Variants in CDK14 observed in about 807,000 individuals in gnomAD.
The protein encoded by CDK14 is cyclin dependent kinase 14, also known as cyclin-dependent kinase 14.
Under a neutral mutation model 60.7 loss-of-function variants are expected in CDK14, and 34 were observed. The observed-to-expected ratio is 0.56, with a 90% CI of 0.43 to 0.75. The LOEUF (loss-of-function observed/expected upper bound fraction) is 0.75. Among genes scored for constraint, CDK14 ranks in the 30% least tolerant of loss-of-function variants. The pLI is 0.00. For synonymous variants in CDK14, 197 were observed against 203.7 expected (o/e 0.97, Z 0.28); for missense variants, 482 against 564.1 (o/e 0.85, Z 1.47).
rs577329116 is a variant in CDK14, at chr7:90,734,761, C to A, written c.369+7949C>A. Among the ~76,000 whole-genome samples, 173 of 152,190 alleles carry A rather than the reference C, an allele frequency of 1.1e-3. 1 individual carries two copies. Among genetic ancestry groups the A allele is most frequent in the Middle Eastern group, 0.01 (3 of 292 alleles). The stretch of plus-strand genomic sequence containing the variant: ...TTATTGCATTGGGTTAAAACACGCT[C>A]CTTTAGCTCAGAGGAGTTTGTTATT... On this transcript the variant is annotated intron_variant, in intron 3 of 14. Coordinates refer to ENST00000380050, the MANE Select transcript of CDK14 (RefSeq NM_001287135.2).
At chr7:90,670,363 G>C (rs1801070761) in intron 2 of CDK14, among the ~76,000 whole-genome samples, 1 of 152,148 alleles carries the variant, frequency 6.6e-6, no homozygotes, top group Non-Finnish European at 1.5e-5. Context: ...AGTCACATAG[G>C]ACTGAAACTA....
chr7:91,202,673 G>C lies in CDK14; in HGVS notation c.*29-4492G>C, dbSNP rs191998547. Among the ~76,000 whole-genome samples the C allele has an allele frequency of 3.6e-3, 541 of 152,294 alleles. 5 individuals carry two copies. The highest frequency in any genetic ancestry group is 0.013 in the African/African-American group (524 of 41,560). ...TTGAAGCTGATGCTGCTCAAGGAGG[G>C]AGAAGGGACATCCCGTGCTGCTGGC... On this transcript the variant is annotated intron_variant, in intron 14 of 14. Transcript: ENST00000380050.
intron 14 of CDK14, among the ~76,000 whole-genome samples, chr7:91,191,711 G>A (rs532299647): frequency 3.3e-4 from 50 of 152,004 alleles, no homozygotes; most frequent in South Asian, 1.5e-3. Context: ...TCAAGAAGGG[G>A]AAATGAGGAA....
chr7:91,139,944 C>T (rs1229878689), intron 14 of CDK14, among the ~76,000 whole-genome samples: 1 of 151,506 alleles, frequency 6.6e-6, no homozygotes, highest in Non-Finnish European at 1.5e-5. Context: ...TACTTAATCC[C>T]ATTGAAAAAA....
At chr7:90,749,377 C>T (rs1803727371) in intron 4 of CDK14, among the ~76,000 whole-genome samples, 1 of 152,122 alleles carries the variant, frequency 6.6e-6, no homozygotes, top group Non-Finnish European at 1.5e-5. Flanking sequence ...AGTTGCCCCA[C>T]CCTTCCTTTG....
chr7:90,731,196 C>T (rs1397117358), intron 3 of CDK14, among the ~76,000 whole-genome samples: 1 of 152,156 alleles, frequency 6.6e-6, no homozygotes, highest in Admixed American at 6.5e-5. Flanking sequence ...GGTCTCTGTT[C>T]TGTTCATTGG....
At chr7:90,886,166 G>A (rs1402528247) in intron 6 of CDK14, among the ~76,000 whole-genome samples, 2 of 152,064 alleles carry the variant, frequency 1.3e-5, no homozygotes, top group East Asian at 3.8e-4. Flanking sequence ...TTTTCTCTAT[G>A]AGGGCACTGA....
At chr7:91,010,394 A>G (rs1796117045) in intron 10 of CDK14, among the ~76,000 whole-genome samples, 1 of 152,094 alleles carries the variant, frequency 6.6e-6, no homozygotes, top group Admixed American at 6.6e-5. Flanking sequence ...CCAATCTATG[A>G]ACATAGTGTA....
At chr7:90,996,183 A>G (rs1158612288) in intron 10 of CDK14, among the ~76,000 whole-genome samples, 1 of 152,174 alleles carries the variant, frequency 6.6e-6, no homozygotes, top group Non-Finnish European at 1.5e-5. Context: ...CAAGCAAATG[A>G]ATATTTGTAA....
intron 9 of CDK14, among the ~76,000 whole-genome samples, chr7:90,959,669 A>G (rs1395064638): frequency 2.0e-5 from 3 of 152,170 alleles, no homozygotes; most frequent in Admixed American, 6.6e-5. Context: ...TTCTGTTTAA[A>G]TAGCCACAGG....
intron 9 of CDK14, among the ~76,000 whole-genome samples, chr7:90,961,560 C>T (rs1422549364): frequency 1.3e-5 from 2 of 152,200 alleles, no homozygotes; most frequent in Non-Finnish European, 2.9e-5. Context: ...ATCTATCTGT[C>T]AGCACTGTTT....
intron 10 of CDK14, among the ~76,000 whole-genome samples, chr7:91,004,685 T>G (rs1795931566): frequency 6.6e-6 from 1 of 152,162 alleles, no homozygotes; most frequent in South Asian, 2.1e-4. Context: ...GTGAGTAGCG[T>G]GCAGATCTGA....
At chr7:90,960,679 C>T (rs749197066) in intron 9 of CDK14, among the ~76,000 whole-genome samples, 1 of 152,122 alleles carries the variant, frequency 6.6e-6, no homozygotes, top group Non-Finnish European at 1.5e-5. Flanking sequence ...TAAGCCTAAT[C>T]ACCATACATA....
intron 9 of CDK14, among the ~76,000 whole-genome samples, chr7:90,957,383 A>T (rs1794459952): frequency 6.6e-6 from 1 of 152,224 alleles, no homozygotes; most frequent in Non-Finnish European, 1.5e-5. Context: ...AATAAAGGGT[A>T]TTCAATTAAG....
At chr7:91,179,972 A>G (rs892079292) in intron 14 of CDK14, among the ~76,000 whole-genome samples, 1 of 152,224 alleles carries the variant, frequency 6.6e-6, no homozygotes, top group African/African-American at 2.4e-5. Context: ...ATTCAAACTT[A>G]TGTACATATT....
intron 4 of CDK14, among the ~76,000 whole-genome samples, chr7:90,771,487 A>C (rs1265652677): frequency 6.6e-6 from 1 of 152,198 alleles, no homozygotes; most frequent in African/African-American, 2.4e-5. Context: ...TCAGAGTAGA[A>C]TTTTATTGAG....
chr7:90,897,097 T>C (rs1322135852), intron 6 of CDK14, among the ~76,000 whole-genome samples: 1 of 152,148 alleles, frequency 6.6e-6, no homozygotes, highest in African/African-American at 2.4e-5. Flanking sequence ...TTGATGTTTG[T>C]CAATTTTTGC....
At chr7:90,726,275 G>A in intron 2 of CDK14, 1 of 981,188 alleles carries the variant, frequency 1.0e-6, no homozygotes, top group Non-Finnish European at 1.2e-6. Flanking sequence ...GGTAAAACGT[G>A]TGACAGAGTT....
intron 10 of CDK14, among the ~76,000 whole-genome samples, chr7:91,044,282 G>C (rs1797173456): frequency 6.6e-6 from 1 of 152,204 alleles, no homozygotes; most frequent in South Asian, 2.1e-4. Flanking sequence ...AGGATTTTCT[G>C]ATTGGCAATT....
Sources: allele counts gnomAD v4.1 joint callset (sites outside exome capture counted in the v4.1 genomes callset), GRCh38; gene constraint gnomAD v4.1.1; transcripts MANE v1.5; gene names NCBI Gene and HGNC (gene_info 2026-07-23, HGNC 2026-07-21).